ZNF423: variants seen among roughly 807,000 people sequenced by gnomAD.
ZNF423 encodes the protein Ebf-associated zinc finger protein.
In ZNF423, 12 loss-of-function variants were observed where a neutral mutation model predicts 95.8. The observed-to-expected ratio is 0.13, with a 90% confidence interval of 0.08 to 0.20. ZNF423 has a LOEUF of 0.20. Among genes scored for constraint, ZNF423 ranks in the 10% least tolerant of loss-of-function variants. The probability of loss-of-function intolerance (pLI) is 1.00; values close to 1 mark genes in which losing one functional copy is unlikely to be tolerated. For synonymous variants in ZNF423, 749 were observed against 711.9 expected (o/e 1.05, Z -0.83); for missense variants, 1,316 against 1,737.1 (o/e 0.76, Z 4.31).
rs184513162 is a variant in ZNF423, at chr16:49,681,584, G to A, written c.302-42710C>T. The stretch of plus-strand genomic sequence containing the variant: ...TAGAGACTAAATGAGACCTCAGGCC[G>A]GATCGTTTCACCACGATATCAGGGA... On this transcript the variant is annotated intron_variant, in intron 3 of 7. Coordinates refer to ENST00000563137, the MANE Select transcript of ZNF423 (RefSeq NM_001379286.1). Among the ~76,000 whole-genome samples, 22 of 152,290 alleles carry A rather than the reference G, an allele frequency of 1.4e-4. No individual in the cohort carries two copies. The East Asian group carries it at 2.5e-3, about 17-fold the overall frequency.
Position 49,683,303 on chromosome 16 carries a change from G to T in ZNF423, c.302-44429C>A, listed in dbSNP as rs563281962. ...GACCAGCAAATTGCACCCTGGAAGTGTAAAATCACTACTGGAGAAAGAGCT... is the reference window on the plus strand; with the variant it reads ...GACCAGCAAATTGCACCCTGGAAGTTTAAAATCACTACTGGAGAAAGAGCT... On this transcript the variant is annotated intron_variant, in intron 3 of 7. Transcript: ENST00000563137. Among the ~76,000 whole-genome samples the T allele has an allele frequency of 4.6e-5, 7 of 152,314 alleles. No individual in the cohort carries two copies. The South Asian group carries it at 1.5e-3, about 32-fold the overall frequency.
intron 3 of ZNF423, among the ~76,000 whole-genome samples, chr16:49,729,638 TCTA>T (rs2033110625): frequency 7.7e-6 from 1 of 129,982 alleles, no homozygotes; most frequent in African/African-American, 2.7e-5. Flanking sequence ...TCCTCTTAGG[TCTA>T]TTATTATTAT....
At chr16:49,801,147 C>T (rs952055599) in intron 1 of ZNF423, among the ~76,000 whole-genome samples, 11 of 152,190 alleles carry the variant, frequency 7.2e-5, no homozygotes, top group African/African-American at 9.7e-5. Flanking sequence ...AGCCTGGGTA[C>T]GTTGGCAGCC....
At chr16:49,815,081 G>T (rs2034816018) in intron 1 of ZNF423, among the ~76,000 whole-genome samples, 1 of 152,112 alleles carries the variant, frequency 6.6e-6, no homozygotes, top group African/African-American at 2.4e-5. Flanking sequence ...CTCACAGCGG[G>T]GCTCGGCCGC....
At chr16:49,768,246 C>T (rs776643934) in intron 2 of ZNF423, among the ~76,000 whole-genome samples, 3 of 152,314 alleles carry the variant, frequency 2.0e-5, no homozygotes, top group East Asian at 3.9e-4. Flanking sequence ...GGAACGGGGG[C>T]GCGGCGCGGA....
intron 1 of ZNF423, among the ~76,000 whole-genome samples, chr16:49,844,514 A>G (rs1042046592): frequency 1.3e-5 from 2 of 152,166 alleles, no homozygotes; most frequent in Non-Finnish European, 2.9e-5. Flanking sequence ...AGGCTGGGGC[A>G]GCGGGAGGGG....
intron 5 of ZNF423, among the ~76,000 whole-genome samples, chr16:49,531,451 G>A (rs1380790975): frequency 1.3e-5 from 2 of 151,982 alleles, no homozygotes; most frequent in Admixed American, 6.6e-5. Flanking sequence ...GACCCCAGGA[G>A]AGGACCCCTC....
At chr16:49,497,894 C>A (rs184256523) in intron 7 of ZNF423, among the ~76,000 whole-genome samples, 1 of 152,174 alleles carries the variant, frequency 6.6e-6, no homozygotes, top group African/African-American at 2.4e-5. Flanking sequence ...GTGCAGTAGA[C>A]GGAAGAGAGC....
intron 3 of ZNF423, among the ~76,000 whole-genome samples, chr16:49,664,738 G>T (rs897835264): frequency 6.6e-6 from 1 of 152,222 alleles, no homozygotes; most frequent in African/African-American, 2.4e-5. Context: ...GAAACTGGCC[G>T]GGCCACAGCC....
intron 1 of ZNF423, among the ~76,000 whole-genome samples, chr16:49,806,264 C>T (rs2143931396): frequency 6.6e-6 from 1 of 152,342 alleles, no homozygotes; most frequent in South Asian, 2.1e-4. Context: ...CACACAACCG[C>T]CAGATGAAAG....
rs145729449 is a variant in ZNF423 at position 49,824,305 on chromosome 16, C to T, written c.40+31430G>A. Among the ~76,000 whole-genome samples the T allele has an allele frequency of 6.6e-3, 999 of 152,276 alleles. 6 individuals are homozygous for T. The highest frequency in any genetic ancestry group is 0.024 in the African/African-American group (977 of 41,546). Reference sequence around the variant, plus strand: ...CCCAAAGGTAGAGATTAGAGCCCCCCTGTCACAGGTAGGGACCCTGAGCCT... The same window carrying T: ...CCCAAAGGTAGAGATTAGAGCCCCCTTGTCACAGGTAGGGACCCTGAGCCT... On this transcript the variant is annotated intron_variant, in intron 1 of 7. Transcript: ENST00000563137.
At chr16:49,703,893 A>T (rs2032270899) in intron 3 of ZNF423, among the ~76,000 whole-genome samples, 1 of 152,212 alleles carries the variant, frequency 6.6e-6, no homozygotes, top group Admixed American at 6.5e-5. Context: ...TGCCCGGCAC[A>T]TAAGAGATGA....
intron 5 of ZNF423, among the ~76,000 whole-genome samples, chr16:49,607,872 A>G (rs1241230689): frequency 6.6e-6 from 1 of 152,136 alleles, no homozygotes; most frequent in East Asian, 1.9e-4. Context: ...CCCAGTCAGG[A>G]GAAGTGGTGT....
intron 1 of ZNF423, among the ~76,000 whole-genome samples, chr16:49,812,335 A>C (rs2034766210): frequency 6.6e-6 from 1 of 152,336 alleles, no homozygotes; most frequent in South Asian, 2.1e-4. Flanking sequence ...TAGAAGCTAC[A>C]GGCACCTGCT....
intron 3 of ZNF423, chr16:49,730,428 C>T: frequency 3.0e-6 from 1 of 335,772 alleles, no homozygotes; most frequent in Non-Finnish European, 5.6e-6. Flanking sequence ...AGCTGCTTAA[C>T]TTTGCACTAA....
chr16:49,840,699 ACT>A (rs1435579532), intron 1 of ZNF423, among the ~76,000 whole-genome samples: 1 of 151,514 alleles, frequency 6.6e-6, no homozygotes, highest in Non-Finnish European at 1.5e-5. Context: ...ACGTGTACAC[ACT>A]CTCGCATGCA....
chr16:49,497,894 CG>C (rs1216566015), intron 7 of ZNF423, among the ~76,000 whole-genome samples: 1 of 152,174 alleles, frequency 6.6e-6, no homozygotes, highest in Admixed American at 6.5e-5. Flanking sequence ...GTGCAGTAGA[CG>C]GAAGAGAGCA....
At chr16:49,517,980 G>A (rs1968222621) in intron 7 of ZNF423, 1 of 453,016 alleles carries the variant, frequency 2.2e-6, no homozygotes, top group Admixed American at 2.4e-5. Flanking sequence ...TTGGAAACAA[G>A]GTACACTTTT....
intron 2 of ZNF423, among the ~76,000 whole-genome samples, chr16:49,762,978 T>C (rs6500254): frequency 0.71 from 108,240 of 152,026 alleles, 39,381 homozygotes; most frequent in African/African-American, 0.86. Context: ...AGCAATCCTC[T>C]CACCTCAGCC....
Sources: allele counts gnomAD v4.1 joint callset (sites outside exome capture counted in the v4.1 genomes callset), GRCh38; gene constraint gnomAD v4.1.1; transcripts MANE v1.5; gene names NCBI Gene and HGNC (gene_info 2026-07-23, HGNC 2026-07-21).